The following EMC4 variants were observed in gnomAD, a reference collection of about 807,000 sequenced individuals.
The protein encoded by EMC4 is cell proliferation-inducing gene 17 protein.
A neutral mutation model predicts 24.2 loss-of-function variants in EMC4; 9 were observed. The ratio of observed to expected loss-of-function variants is 0.37; its 90% CI spans 0.22 to 0.65. The LOEUF is 0.65. Ranked by LOEUF, EMC4 falls within the 30% of genes least tolerant of loss-of-function variation. The probability of loss-of-function intolerance (pLI) is 0.59; values close to 1 mark genes in which losing one functional copy is unlikely to be tolerated. For missense variants in EMC4, 169 were observed against 234.6 expected, an observed-to-expected ratio of 0.72 and a Z score of 1.83; for synonymous variants, 86 against 81.1, an observed-to-expected ratio of 1.06 and a Z score of -0.32.
intron 4 of EMC4, chr15:34,229,521 CAG>C (rs1890775064): frequency 2.2e-6 from 1 of 452,948 alleles, no homozygotes; most frequent in South Asian, 3.0e-5. Flanking sequence ...CTTGTAGAGA[CAG>C]GGTTTTGCCA....
chr15:34,228,618 G>A, intron 4 of EMC4, 29 bp downstream of exon 4: 1 of 1,598,634 alleles, frequency 6.3e-7, no homozygotes, highest in Non-Finnish European at 8.5e-7. Context: ...TGAATTTTGG[G>A]TAGTTGTAGT....
intron 3 of EMC4, 73 bp downstream of exon 3, chr15:34,227,919 G>A (rs1352947468): frequency 6.6e-6 from 10 of 1,516,334 alleles, no homozygotes; most frequent in Middle Eastern, 2.1e-4. Flanking sequence ...GGTGGCTCAC[G>A]CCTGTAATCC....
At chr15:34,227,349 C>T in intron 2 of EMC4, 1 of 178,308 alleles carries the variant, frequency 5.6e-6, no homozygotes, top group Non-Finnish European at 1.2e-5. Context: ...TGCTAATCTC[C>T]CATTATGTGG....
intron 2 of EMC4, 142 bp from the exon 3 acceptor site, chr15:34,227,551 G>A (rs1890676951): frequency 1.2e-6 from 1 of 805,026 alleles, no homozygotes; most frequent in Admixed American, 2.2e-5. Context: ...GTGGAGAAGG[G>A]AAGAGGTCGT....
Position 34,225,025 on chromosome 15 carries a change from GAGTGAGACAA to G in EMC4, c.-87_-78del. On this transcript the variant is annotated 5_prime_UTR_variant, in exon 1 of 5. Transcript: ENST00000267750. ...TTCACGCGCCGGAAGTGCATTTGCA[GAGTGAGACAA>G]AGCGGAGAACGCTGGTGGGCCTGTT... is the stretch of plus-strand genomic sequence containing the variant. 4 of 1,098,456 alleles carry G rather than the reference GAGTGAGACAA, an allele frequency of 3.6e-6. No homozygotes were observed. The highest frequency in any genetic ancestry group is 5.4e-6 in the Non-Finnish European group (4 of 735,346). The allele number at this position is 1,098,456 out of a possible 1,614,324, so 68.0% of individuals were successfully genotyped here. A position where few individuals can be genotyped will look rare whatever the true frequency, so the allele number is the denominator to read the frequency against.
At position 34,230,000 on chromosome 15, in the gene EMC4, A is replaced by G. The variant is rs1212752153; in HGVS notation, c.*212A>G. ...AACTATACCATAACCCAAGGCTGAAAATAATGTAGAAAACTTTATTTTTGT... is the reference window on the plus strand; with the variant it reads ...AACTATACCATAACCCAAGGCTGAAGATAATGTAGAAAACTTTATTTTTGT... On this transcript the variant is annotated 3_prime_UTR_variant, in exon 5 of 5. Coordinates refer to ENST00000267750, the MANE Select transcript of EMC4 (RefSeq NM_016454.4). 1 of 586,164 alleles carries G rather than the reference A, an allele frequency of 1.7e-6. No homozygotes were observed. 36.3% of individuals were successfully genotyped at this position (586,164 alleles called of 1,614,324 possible). A position where few individuals can be genotyped will look rare whatever the true frequency, so the allele number is the denominator to read the frequency against.
chr15:34,228,688 T>G (rs1288542310), intron 4 of EMC4, 99 bp downstream of exon 4: 1 of 84,240 alleles, frequency 1.2e-5, no homozygotes, highest in Non-Finnish European at 1.9e-5. Context: ...TTGAGTTTCT[T>G]TTTTTTTTTT....
intron 4 of EMC4, 87 bp downstream of exon 4, chr15:34,228,676 ATTTGAG>A: frequency 1.6e-6 from 1 of 631,874 alleles, no homozygotes; most frequent in African/African-American, 2.1e-5. Flanking sequence ...TGGAGTTGGT[ATTTGAG>A]TTTCTTTTTT....
rs1449571358 is a variant in EMC4 at position 34,225,131 on chromosome 15, G to C, written c.17G>C (p.Gly6Ala). The change falls in exon 1 of 5, where the codon GGC becomes GCC. Residue 6 changes from glycine to alanine, a missense_variant. Gly to Ala is a moderately conservative substitution (Grantham distance 60). Coordinates refer to ENST00000267750, the MANE Select transcript of EMC4 (RefSeq NM_016454.4). MTAQG[G>A]LVANRGRRFK... Reference sequence around the variant, plus strand: ...GCTGTTGCCATGACGGCCCAGGGGGGCCTGGTGGCTAACCGAGGCCGGCGC... The same window carrying C: ...GCTGTTGCCATGACGGCCCAGGGGGCCCTGGTGGCTAACCGAGGCCGGCGC... 5 of 1,551,608 alleles carry C rather than the reference G, an allele frequency of 3.2e-6. No individual in the cohort carries two copies. Among genetic ancestry groups the C allele is most frequent in the East Asian group, 2.4e-5 (1 of 40,940 alleles).
chr15:34,229,720 A>G (rs1476260666), intron 4 of EMC4, 33 bp from the exon 5 acceptor site: 1 of 1,154,430 alleles, frequency 8.7e-7, no homozygotes, highest in East Asian at 2.4e-5. Flanking sequence ...CTCATTTGCC[A>G]CTCACCTATT....
At position 34,225,215 on chromosome 15, in the gene EMC4, C is replaced by G; in HGVS notation, c.86+15C>G. Reference sequence around the variant, plus strand: ...GGAGGCAGCAGGTGAGGCACCTGGGCAAGCTGTACATCACTGTTCATCCCA... The same window carrying G: ...GGAGGCAGCAGGTGAGGCACCTGGGGAAGCTGTACATCACTGTTCATCCCA... On this transcript the variant is annotated intron_variant, in intron 1 of 4. Coordinates refer to ENST00000267750, the MANE Select transcript of EMC4 (RefSeq NM_016454.4). 6.5e-7 allele frequency: 1 copy of G among 1,539,274 alleles called. No homozygotes were observed. The highest frequency in any genetic ancestry group is 8.8e-7 in the Non-Finnish European group (1 of 1,138,136).
chr15:34,228,215 G>A (rs889453336), intron 3 of EMC4: 1 of 558,134 alleles, frequency 1.8e-6, no homozygotes, highest in Non-Finnish European at 3.2e-6. Context: ...TAAATTCTTA[G>A]GGACAGTTTT....
At position 34,227,742 on chromosome 15, in the gene EMC4, T is replaced by A; in HGVS notation, c.251T>A (p.Leu84His). The change falls in exon 3 of 5, where the codon CTC (leucine) becomes CAC (histidine). Residue 84 changes from leucine (L) to histidine (H), a missense_variant. Coordinates refer to ENST00000267750, the MANE Select transcript of EMC4 (RefSeq NM_016454.4). ...CCCCTCAAACAGATTCCCATGAATC[T>A]CTTCATCATGTACATGGCAGGCAAT... ...LGPLKQIPMN[L>H]FIMYMAGNTI... 1 of 1,614,156 alleles carries A rather than the reference T, an allele frequency of 6.2e-7. No homozygotes were observed. Among genetic ancestry groups the A allele is most frequent in the East Asian group, 2.2e-5 (1 of 44,890 alleles).
At chr15:34,229,718 C>T in intron 4 of EMC4, 35 bp from the exon 5 acceptor site, 1 of 1,126,930 alleles carries the variant, frequency 8.9e-7, no homozygotes, top group Non-Finnish European at 1.3e-6. Flanking sequence ...CACTCATTTG[C>T]CACTCACCTA....
At position 34,229,741 on chromosome 15, in the gene EMC4, T is replaced by G; in HGVS notation, c.517-12T>G. The G allele has an allele frequency of 6.6e-7, 1 of 1,507,146 alleles. No individual in the cohort carries two copies. The highest frequency in any genetic ancestry group is 9.1e-7 in the Non-Finnish European group (1 of 1,097,418). The allele number at this position is 1,507,146 out of a possible 1,614,324, so 93.4% of individuals were successfully genotyped here. A position where few individuals can be genotyped will look rare whatever the true frequency, so the allele number is the denominator to read the frequency against. ...TGCCACTCACCTATTTATTCTTTCT[T>G]TCTTCTTTCAGAGAATGGAGTTCAG... On this transcript the variant is annotated splice_polypyrimidine_tract_variant and intron_variant, in intron 4 of 4. Coordinates refer to ENST00000267750, the MANE Select transcript of EMC4 (RefSeq NM_016454.4).
rs374186247 is a variant in EMC4, at chr15:34,225,221, G to T, written c.86+21G>T. 8.5e-4 allele frequency: 1,303 copies of T among 1,529,650 alleles called. 20 individuals are homozygous for T. Among genetic ancestry groups the T allele is most frequent in the South Asian group, 5.5e-4 (45 of 82,400 alleles). 94.8% of individuals were successfully genotyped at this position (1,529,650 alleles called of 1,614,324 possible). A position where few individuals can be genotyped will look rare whatever the true frequency, so the allele number is the denominator to read the frequency against. ...AGCAGGTGAGGCACCTGGGCAAGCT[G>T]TACATCACTGTTCATCCCAGAACTG... On this transcript the variant is annotated intron_variant, in intron 1 of 4. Coordinates refer to ENST00000267750, the MANE Select transcript of EMC4 (RefSeq NM_016454.4).
intron 4 of EMC4, 193 bp from the exon 5 acceptor site, chr15:34,229,560 T>C: frequency 1.8e-6 from 1 of 542,800 alleles, no homozygotes. Flanking sequence ...CTTGAACTCC[T>C]GGGCTCAAGC....
In EMC4 at chr15:34,230,050, CAAA is replaced by C; in HGVS notation, c.*267_*269del. On this transcript the variant is annotated 3_prime_UTR_variant, in exon 5 of 5. Coordinates refer to ENST00000267750, the MANE Select transcript of EMC4 (RefSeq NM_016454.4). Reference sequence around the variant, plus strand: ...TTTCCAGTACAGAGCAAAACAACAACAAAAAAACATAACTATGTAAACAAGAGA... The same window carrying C: ...TTTCCAGTACAGAGCAAAACAACAACAAAACATAACTATGTAAACAAGAGA... The C allele has an allele frequency of 2.2e-6, 1 of 447,208 alleles. No homozygotes were observed. Among genetic ancestry groups the C allele is most frequent in the East Asian group, 3.5e-5 (1 of 28,528 alleles). 27.7% of individuals were successfully genotyped at this position (447,208 alleles called of 1,614,324 possible). A position where few individuals can be genotyped will look rare whatever the true frequency, so the allele number is the denominator to read the frequency against.
intron 4 of EMC4, 70 bp downstream of exon 4, chr15:34,228,659 A>G (rs1053037264): frequency 6.2e-6 from 5 of 805,558 alleles, no homozygotes; most frequent in African/African-American, 1.8e-5. Flanking sequence ...ACTTGATGGT[A>G]GGAAATTGGA....
Sources: allele counts gnomAD v4.1 joint callset, GRCh38; gene constraint gnomAD v4.1.1; transcripts MANE v1.5; gene names NCBI Gene and HGNC (gene_info 2026-07-23, HGNC 2026-07-21).